ROR2: variants seen among roughly 807,000 people sequenced by gnomAD.
The protein encoded by ROR2 is ROR family WNT receptor 2.
ROR2 carries 33 observed loss-of-function variants against 74.9 expected under a neutral mutation model. The observed-to-expected ratio is 0.44, with a 90% CI of 0.33 to 0.59. The LOEUF is 0.59. Ranked by LOEUF, ROR2 falls within the 20% of genes least tolerant of loss-of-function variation. The pLI is 0.02. For synonymous variants in ROR2, 586 were observed against 558.7 expected (o/e 1.05, Z -0.69); for missense variants, 1,216 against 1,313.8 (o/e 0.93, Z 1.15).
Position 91,724,778 on chromosome 9 carries a change from C to T in ROR2, c.1716G>A (p.Ser572=), listed in dbSNP as rs139654946. ...HEFLVMRSPH[S]DVGSTDDDRT... ...GGTCATCATCGGTGCTGCCCACGTC[C>T]GAGTGCGGCGAGCGCATGACCAGGA... The change falls in exon 9 of 9, where the codon TCG becomes TCA. Residue 572 remains serine (S), a synonymous_variant. Transcript: ENST00000375708. 9.6e-5 allele frequency: 154 copies of T among 1,612,136 alleles called. No individual in the cohort carries two copies. The Admixed American group carries it at 1.3e-3, about 14-fold the overall frequency.
intron 1 of ROR2, among the ~76,000 whole-genome samples, chr9:91,935,342 C>G (rs895987962): frequency 8.5e-5 from 13 of 152,238 alleles, no homozygotes; most frequent in African/African-American, 2.9e-4. Flanking sequence ...TTTCTGTCCA[C>G]TGCTTCAGGG....
chr9:91,766,118 C>T (rs763794936), intron 2 of ROR2, among the ~76,000 whole-genome samples: 11 of 152,236 alleles, frequency 7.2e-5, no homozygotes, highest in Non-Finnish European at 1.6e-4. Flanking sequence ...GCTGTGTCCA[C>T]GTCTTGGTGC....
Position 91,723,468 on chromosome 9 carries a change from G to T in ROR2, c.*194C>A. The T allele has an allele frequency of 8.4e-6, 7 of 828,980 alleles. No individual in the cohort carries two copies. The South Asian group carries it at 1.2e-4, about 15-fold the overall frequency. 51.4% of individuals were successfully genotyped at this position (828,980 alleles called of 1,614,324 possible). ...CTGCCAGACCCCCTGCCTGGCTTGG[G>T]TGCTCCTAGGCAGGGCAGCTCTCTG... On this transcript the variant is annotated 3_prime_UTR_variant, in exon 9 of 9. Transcript: ENST00000375708.
intron 2 of ROR2, among the ~76,000 whole-genome samples, chr9:91,762,792 T>C: frequency 6.6e-6 from 1 of 152,256 alleles, no homozygotes; most frequent in Non-Finnish European, 1.5e-5. Flanking sequence ...TGTAATAGAA[T>C]AGCCCATTAT....
chr9:91,885,277 T>A (rs1388323446), intron 1 of ROR2, among the ~76,000 whole-genome samples: 1 of 152,040 alleles, frequency 6.6e-6, no homozygotes, highest in Non-Finnish European at 1.5e-5. Context: ...ACCGGAAAAC[T>A]TTAAAAAGGA....
chr9:91,815,982 T>G lies in ROR2; in HGVS notation c.98-40164A>C, dbSNP rs572483010. Among the ~76,000 whole-genome samples, 5 of 152,244 alleles carry G rather than the reference T, an allele frequency of 3.3e-5. No homozygotes were observed. The South Asian group carries it at 1.0e-3, about 32-fold the overall frequency. On this transcript the variant is annotated intron_variant, in intron 1 of 8. Transcript: ENST00000375708. The stretch of plus-strand genomic sequence containing the variant: ...TGCTCACGGTCACCCCCAAAGCCTG[T>G]GCATCTCCTCTCTCAGAAAACCCTT...
intron 1 of ROR2, among the ~76,000 whole-genome samples, chr9:91,893,580 T>G (rs10820914): frequency 0.28 from 42,913 of 152,128 alleles, 6,337 homozygotes; most frequent in Admixed American, 0.43. Flanking sequence ...TTACTCATTT[T>G]AGTCATTTCC....
intron 1 of ROR2, among the ~76,000 whole-genome samples, chr9:91,926,382 C>CA (rs34847971): frequency 0.073 from 9,988 of 137,146 alleles, 635 homozygotes; most frequent in East Asian, 0.23. Flanking sequence ...GACTCCGTCT[C>CA]AAAAAAAAAA....
chr9:91,768,208 G>A (rs772786883), intron 2 of ROR2, among the ~76,000 whole-genome samples: 24 of 152,150 alleles, frequency 1.6e-4, no homozygotes, highest in Non-Finnish European at 1.6e-4. Flanking sequence ...TCAGACTTCC[G>A]GTCTCCAGAG....
chr9:91,923,893 T>A (rs905023596), intron 1 of ROR2: 3 of 152,276 alleles, frequency 2.0e-5, no homozygotes, highest in Admixed American at 6.5e-5. Flanking sequence ...GTTCTTCAGG[T>A]GGCAGAAGTG....
At chr9:91,771,461 A>G (rs1054544651) in intron 2 of ROR2, among the ~76,000 whole-genome samples, 17 of 152,256 alleles carry the variant, frequency 1.1e-4, no homozygotes, top group Non-Finnish European at 2.1e-4. Context: ...ATTCTAAAGC[A>G]TGTATGTGTG....
intron 1 of ROR2, among the ~76,000 whole-genome samples, chr9:91,815,387 A>T (rs776308241): frequency 6.6e-6 from 1 of 152,224 alleles, no homozygotes; most frequent in Non-Finnish European, 1.5e-5. Context: ...CATTCATAAT[A>T]AAAGTTGTCA....
chr9:91,909,354 G>A (rs919341053), intron 1 of ROR2, among the ~76,000 whole-genome samples: 12 of 152,072 alleles, frequency 7.9e-5, no homozygotes, highest in African/African-American at 2.7e-4. Context: ...CTCCTCTCAG[G>A]CTCCCATGGT....
At chr9:91,748,449 TA>T (rs1319786441) in intron 4 of ROR2, among the ~76,000 whole-genome samples, 3 of 152,116 alleles carry the variant, frequency 2.0e-5, no homozygotes, top group African/African-American at 7.2e-5. Context: ...ATTGAATACA[TA>T]AAGGTGGGAA....
At chr9:91,730,299 A>G (rs796486615) in intron 7 of ROR2, among the ~76,000 whole-genome samples, 7 of 152,192 alleles carry the variant, frequency 4.6e-5, no homozygotes, top group African/African-American at 1.7e-4. Context: ...CCATCCATAC[A>G]TGGGAAAAGG....
chr9:91,948,487 T>G, intron 1 of ROR2: 368 of 779,704 alleles, frequency 4.7e-4, no homozygotes, highest in Middle Eastern at 6.6e-4. Flanking sequence ...TAATGCACAG[T>G]GAGATAAACG....
chr9:91,775,676 T>C (rs935949973), intron 2 of ROR2, 65 bp downstream of exon 2: 3 of 1,499,454 alleles, frequency 2.0e-6, no homozygotes, highest in Non-Finnish European at 2.8e-6. Context: ...GCAATGGCAG[T>C]GCAAGATGAG....
chr9:91,880,087 A>G (rs1564016618), intron 1 of ROR2, among the ~76,000 whole-genome samples: 1 of 152,190 alleles, frequency 6.6e-6, no homozygotes, highest in Non-Finnish European at 1.5e-5. Flanking sequence ...ATTTGGAGAC[A>G]GAACCTTTGA....
At chr9:91,804,172 C>T (rs1324198606) in intron 1 of ROR2, among the ~76,000 whole-genome samples, 3 of 152,280 alleles carry the variant, frequency 2.0e-5, no homozygotes, top group African/African-American at 4.8e-5. Context: ...CACACGGCTC[C>T]GTCAGGGTCC....
Sources: allele counts gnomAD v4.1 joint callset (sites outside exome capture counted in the v4.1 genomes callset), GRCh38; gene constraint gnomAD v4.1.1; transcripts MANE v1.5; gene names NCBI Gene and HGNC (gene_info 2026-07-23, HGNC 2026-07-21).